ZNF41: variants seen among roughly 807,000 people sequenced by gnomAD.
ZNF41 encodes zinc finger protein 41.
A neutral mutation model predicts 9.3 loss-of-function variants in ZNF41; 6 were observed. The observed-to-expected ratio is 0.65, with a 90% CI of 0.35 to 1.28. The LOEUF is 1.28. ZNF41 is among the 50% of genes most tolerant of loss of function. The pLI, the probability that ZNF41 is intolerant of heterozygous loss-of-function variation, is 0.03. For missense variants in ZNF41, 523 were observed against 585.8 expected, an observed-to-expected ratio of 0.89 and a Z score of 1.11; for synonymous variants, 192 against 207.1, an observed-to-expected ratio of 0.93 and a Z score of 0.63.
At chrX:47,461,576 A>G (rs2056794386) in intron 2 of ZNF41, among the ~76,000 whole-genome samples, 1 of 108,117 alleles carries the variant, frequency 9.2e-6, no homozygotes, top group Non-Finnish European at 1.9e-5. Context: ...GTGCCTGGCT[A>G]ATTTTGTATT....
chrX:47,478,982 T>A (rs745572063), intron 1 of ZNF41, among the ~76,000 whole-genome samples: 11 of 111,352 alleles, frequency 9.9e-5, no homozygotes, highest in Non-Finnish European at 1.5e-4. Flanking sequence ...ATGATTCCAT[T>A]TATATAAAAT....
At chrX:47,470,180 G>A (rs2057139303) in intron 1 of ZNF41, among the ~76,000 whole-genome samples, 3 of 109,828 alleles carry the variant, frequency 2.7e-5, no homozygotes, top group South Asian at 7.7e-4. Context: ...TTGGGAGGCC[G>A]AGGCAGGCGA....
Position 47,467,572 on chromosome X carries a change from C to T in ZNF41, c.-91G>A, listed in dbSNP as rs1470723114. The T allele has an allele frequency of 1.2e-5, 13 of 1,084,542 alleles. No homozygotes were observed. Among genetic ancestry groups the T allele is most frequent in the South Asian group, 4.0e-5 (2 of 50,462 alleles). The allele number at this position is 1,084,542 out of a possible 1,213,427, so 89.4% of individuals were successfully genotyped here. ...CTGAGCTGGCATCTGTGGACTCAAC[C>T]GGAGCTGCTGGGGCGAGGCAAGCAG... On this transcript the variant is annotated 5_prime_UTR_variant, in exon 2 of 5. Coordinates refer to ENST00000684689, the MANE Select transcript of ZNF41 (RefSeq NM_001324144.2).
At position 47,448,035 on chromosome X, in the gene ZNF41, A is replaced by G. The variant is rs2056190949; in HGVS notation, c.1735T>C (p.Tyr579His). 1.7e-6 allele frequency: 2 copies of G among 1,211,672 alleles called. No homozygotes were observed. The highest frequency in any genetic ancestry group is 3.0e-5 in the East Asian group (1 of 33,851). ...GCTTTCCCGCAGTCCTTGCATTCAT[A>G]GTGTCTCTCTCCAATATGAGATTTC... ...HQKSHIGERH[Y>H]ECKDCGKAFI... The change falls in exon 5 of 5, where the codon TAT becomes CAT. Residue 579 changes from tyrosine (Y) to histidine (H), a missense_variant. Tyr to His is a moderately conservative substitution (Grantham distance 83). Transcript: ENST00000684689.
chrX:47,456,631 A>AT (rs934540537), intron 2 of ZNF41, among the ~76,000 whole-genome samples: 3 of 112,107 alleles, frequency 2.7e-5, no homozygotes, highest in Non-Finnish European at 5.6e-5. Flanking sequence ...CAAAATGAGG[A>AT]TTTTAAATGG....
At position 47,480,832 on chromosome X, in the gene ZNF41, T is replaced by C. The variant is rs143006616; in HGVS notation, c.-280+2263A>G. ...CTTGTGTTTGGCCCTCAGAATGGGG[T>C]AAATTAAAAAAAAATCCAATGTGGA... On this transcript the variant is annotated intron_variant, in intron 1 of 4. Coordinates refer to ENST00000684689, the MANE Select transcript of ZNF41 (RefSeq NM_001324144.2). Among the ~76,000 whole-genome samples the C allele has an allele frequency of 3.6e-3, 371 of 103,711 alleles. 1 individual carries two copies. The highest frequency in any genetic ancestry group is 5.8e-3 in the Non-Finnish European group (294 of 50,934). 90.1% of individuals were successfully genotyped at this position (103,711 alleles called of 115,157 possible).
Position 47,475,521 on chromosome X carries a change from C to G in ZNF41, c.-280+7574G>C, listed in dbSNP as rs755415092. ...TTAATAACTGGCATAACCTTAATAC[C>G]AACACTTGTTAAATATACTAAAAAC... On this transcript the variant is annotated intron_variant, in intron 1 of 4. Coordinates refer to ENST00000684689, the MANE Select transcript of ZNF41 (RefSeq NM_001324144.2). Among the ~76,000 whole-genome samples the G allele has an allele frequency of 1.3e-3, 140 of 111,439 alleles. 3 individuals are homozygous for G. Among genetic ancestry groups the G allele is most frequent in the Middle Eastern group, 4.6e-3 (1 of 217 alleles).
chrX:47,449,357 C>T lies in ZNF41; in HGVS notation c.413G>A (p.Trp138Ter). 8.3e-7 allele frequency: 1 copy of T among 1,211,441 alleles called. No homozygotes were observed. Among genetic ancestry groups the T allele is most frequent in the Non-Finnish European group, 1.1e-6 (1 of 895,445 alleles). ...TTGCTCTAGCTGGTCATTATCTTGC[C>T]ACAGTTCTTCTAAAATAGAACATAA... Reference protein sequence around the residue: ...DSLCSILEELWQDNDQLEQRQ... With the variant: ...DSLCSILEEL Residue 138 changes from tryptophan to a stop codon, truncating the protein, a stop_gained, in exon 5 of 5, where the codon TGG becomes TAG. Transcript: ENST00000684689. LOFTEE classifies it low-confidence loss of function (END_TRUNC).
chrX:47,451,688 C>T (rs1157132824), intron 4 of ZNF41, among the ~76,000 whole-genome samples: 1 of 112,394 alleles, frequency 8.9e-6, no homozygotes, highest in African/African-American at 3.2e-5. Context: ...CCAGCCTGGC[C>T]AACATGGCAA....
At chrX:47,472,669 C>T (rs2147798849) in intron 1 of ZNF41, among the ~76,000 whole-genome samples, 1 of 110,043 alleles carries the variant, frequency 9.1e-6, no homozygotes, top group South Asian at 3.8e-4. Flanking sequence ...AGTCTCCTGA[C>T]CCCATGATCT....
chrX:47,472,542 G>A (rs182149167), intron 1 of ZNF41, among the ~76,000 whole-genome samples: 46 of 99,066 alleles, frequency 4.6e-4, no homozygotes, highest in African/African-American at 1.7e-3. Flanking sequence ...GGGTTCAAGC[G>A]ATTCTCCTGC....
chrX:47,466,828 C>T (rs1391007055), intron 2 of ZNF41, among the ~76,000 whole-genome samples: 3 of 111,614 alleles, frequency 2.7e-5, no homozygotes, highest in African/African-American at 9.7e-5. Flanking sequence ...CCATTTTATT[C>T]GTCTTTGAAA....
At chrX:47,469,381 T>TA (rs1235978081) in intron 1 of ZNF41, among the ~76,000 whole-genome samples, 2 of 107,437 alleles carry the variant, frequency 1.9e-5, no homozygotes, top group South Asian at 4.0e-4. Context: ...TCTAGCATTT[T>TA]ATGCCAATAT....
chrX:47,480,886 T>C (rs1366316232), intron 1 of ZNF41, among the ~76,000 whole-genome samples: 4 of 107,379 alleles, frequency 3.7e-5, no homozygotes, highest in African/African-American at 1.4e-4. Flanking sequence ...CCTTCTCATA[T>C]GTTGCTGGTG....
intron 4 of ZNF41, among the ~76,000 whole-genome samples, chrX:47,452,156 G>A (rs2056393124): frequency 9.0e-6 from 1 of 110,532 alleles, no homozygotes; most frequent in Non-Finnish European, 1.9e-5. Flanking sequence ...GGGCATCTTT[G>A]CCAACATCTG....
intron 4 of ZNF41, among the ~76,000 whole-genome samples, chrX:47,452,634 A>G: frequency 8.9e-6 from 1 of 111,737 alleles, no homozygotes; most frequent in South Asian, 3.7e-4. Context: ...TTTTTTTGCT[A>G]GCAAATCCCT....
At position 47,475,160 on chromosome X, in the gene ZNF41, A is replaced by AT. The variant is rs940665188; in HGVS notation, c.-279-7401_-279-7400insA. Among the ~76,000 whole-genome samples, 10 of 106,842 alleles carry AT rather than the reference A, an allele frequency of 9.4e-5. No homozygotes were observed. The East Asian group carries it at 1.5e-3, about 16-fold the overall frequency. 92.8% of individuals were successfully genotyped at this position (106,842 alleles called of 115,157 possible). A position where few individuals can be genotyped will look rare whatever the true frequency, so the allele number is the denominator to read the frequency against. ...TCAAGGTAAAAGAGAAAGGAAAAAAAATATATATATATGTATATATACACC... is the reference window on the plus strand; with the variant it reads ...TCAAGGTAAAAGAGAAAGGAAAAAAATATATATATATATGTATATATACACC... On this transcript the variant is annotated intron_variant, in intron 1 of 4. Transcript: ENST00000684689.
chrX:47,470,743 A>C (rs1002674421), intron 1 of ZNF41, among the ~76,000 whole-genome samples: 1 of 104,185 alleles, frequency 9.6e-6, no homozygotes, highest in Non-Finnish European at 2.0e-5. Context: ...AAAAAAAAAT[A>C]GTAAACAAAA....
At chrX:47,466,036 T>C (rs765128769) in intron 2 of ZNF41, among the ~76,000 whole-genome samples, 3 of 110,967 alleles carry the variant, frequency 2.7e-5, no homozygotes, top group African/African-American at 6.5e-5. Context: ...CTCACACACA[T>C]GCACACATGC....
Sources: allele counts gnomAD v4.1 joint callset (sites outside exome capture counted in the v4.1 genomes callset), GRCh38; gene constraint gnomAD v4.1.1; transcripts MANE v1.5; gene names NCBI Gene and HGNC (gene_info 2026-07-23, HGNC 2026-07-21).